The following PDS5A variants were observed in gnomAD, a reference collection of about 807,000 sequenced individuals.
PDS5A encodes sister chromatid cohesion protein PDS5 homolog A.
In PDS5A, 42 loss-of-function variants were observed where a neutral mutation model predicts 167.1. That is an observed-to-expected ratio of 0.25 (90% confidence interval 0.20 to 0.33). The LOEUF (loss-of-function observed/expected upper bound fraction) is 0.33. Among genes scored for constraint, PDS5A ranks in the 10% least tolerant of loss-of-function variants. The pLI is 1.00. For missense variants in PDS5A, 1,033 were observed against 1,605.9 expected, an observed-to-expected ratio of 0.64 and a Z score of 6.10; for synonymous variants, 553 against 554.6, an observed-to-expected ratio of 1.00 and a Z score of 0.04.
chr4:39,947,375 G>C (rs778649858), intron 2 of PDS5A, among the ~76,000 whole-genome samples: 2 of 151,874 alleles, frequency 1.3e-5, no homozygotes, highest in Admixed American at 6.6e-5. Context: ...AACTTGAACC[G>C]GGAGGCGGAG....
chr4:39,918,182 C>CAAAAAAA (rs11447119), intron 7 of PDS5A, among the ~76,000 whole-genome samples: 4 of 88,580 alleles, frequency 4.5e-5, no homozygotes, highest in Non-Finnish European at 6.5e-5. Flanking sequence ...GACCCTGTCT[C>CAAAAAAA]AAAAAAAAAA....
At chr4:39,966,879 A>T (rs1730014875) in intron 2 of PDS5A, among the ~76,000 whole-genome samples, 1 of 134,072 alleles carries the variant, frequency 7.5e-6, no homozygotes. Context: ...GGTGCCTGTA[A>T]TCCCAGTTAC....
rs927400181 is a variant in PDS5A, at chr4:39,862,348, T to G, written c.2972-15A>C. Reference sequence around the variant, plus strand: ...TAATAATTTCTCTGAAGTAAAAACATTATTAAAAACAACCTTTATAAAATG... The same window carrying G: ...TAATAATTTCTCTGAAGTAAAAACAGTATTAAAAACAACCTTTATAAAATG... On this transcript the variant is annotated splice_polypyrimidine_tract_variant and intron_variant, in intron 25 of 32. Coordinates refer to ENST00000303538, the MANE Select transcript of PDS5A (RefSeq NM_001100399.2). 3 of 1,246,662 alleles carry G rather than the reference T, an allele frequency of 2.4e-6. No individual in the cohort carries two copies. In the African/African-American group the frequency reaches 4.5e-5, roughly 19 times the overall value. 77.2% of individuals were successfully genotyped at this position (1,246,662 alleles called of 1,614,324 possible).
chr4:39,973,675 G>C (rs1045164178), intron 2 of PDS5A: 3 of 1,291,018 alleles, frequency 2.3e-6, no homozygotes, highest in Middle Eastern at 1.9e-4. Flanking sequence ...ATCGTATGTA[G>C]CTTTAGCTCA....
chr4:39,874,542 T>C, intron 19 of PDS5A, 130 bp from the exon 20 acceptor site: 1 of 685,004 alleles, frequency 1.5e-6, no homozygotes, highest in South Asian at 2.4e-5. Context: ...TTATCTGATC[T>C]AAAGAAAGTT....
At position 39,863,471 on chromosome 4, in the gene PDS5A, CAAAA is replaced by C; in HGVS notation, c.2643-16_2643-13del. ...ACATATCAGATTTACTATAAACAAA[CAAAA>C]AAGAAATAAACATTTCCTATAACCA... On this transcript the variant is annotated splice_polypyrimidine_tract_variant and intron_variant, in intron 23 of 32. Coordinates refer to ENST00000303538, the MANE Select transcript of PDS5A (RefSeq NM_001100399.2). 1 of 1,570,584 alleles carries C rather than the reference CAAAA, an allele frequency of 6.4e-7. No individual in the cohort carries two copies. Among genetic ancestry groups the C allele is most frequent in the Non-Finnish European group, 8.6e-7 (1 of 1,160,080 alleles).
intron 2 of PDS5A, among the ~76,000 whole-genome samples, chr4:39,953,026 T>A (rs905555502): frequency 6.6e-6 from 1 of 151,954 alleles, no homozygotes; most frequent in Non-Finnish European, 1.5e-5. Context: ...ACCACGTCAG[T>A]CCAGATCTGG....
intron 17 of PDS5A, among the ~76,000 whole-genome samples, chr4:39,880,695 T>C (rs1720855596): frequency 6.6e-6 from 1 of 152,140 alleles, no homozygotes; most frequent in Non-Finnish European, 1.5e-5. Context: ...AAATTATAAA[T>C]ATTCATGGGG....
chr4:39,829,950 C>CAAAAAAAAAAAAAAAAAAAA (rs1158287221), intron 32 of PDS5A, among the ~76,000 whole-genome samples: 3 of 67,296 alleles, frequency 4.5e-5, no homozygotes, highest in African/African-American at 1.7e-4. Context: ...GACTCCAACT[C>CAAAAAAAAAAAAAAAAAAAA]AAAAAAAAAA....
chr4:39,973,881 T>A, intron 2 of PDS5A: 1 of 752,168 alleles, frequency 1.3e-6, no homozygotes. Flanking sequence ...ATCCCAGCAC[T>A]TTGGGAGGCC....
intron 29 of PDS5A, 149 bp from the exon 30 acceptor site, chr4:39,844,950 C>T: frequency 1.2e-6 from 1 of 825,414 alleles, no homozygotes; most frequent in Non-Finnish European, 1.8e-6. Flanking sequence ...GGCATACTGG[C>T]TCCTGACTGC....
intron 8 of PDS5A, among the ~76,000 whole-genome samples, chr4:39,914,275 C>T (rs577352773): frequency 6.6e-6 from 1 of 151,500 alleles, no homozygotes; most frequent in Admixed American, 6.6e-5. Flanking sequence ...GATTCTCCTG[C>T]CTCAGCCTCT....
At chr4:39,969,906 T>C (rs1433213324) in intron 2 of PDS5A, among the ~76,000 whole-genome samples, 1 of 150,254 alleles carries the variant, frequency 6.7e-6, no homozygotes, top group Non-Finnish European at 1.5e-5. Flanking sequence ...ACAAACCAAA[T>C]AAATGTATGG....
At position 39,973,378 on chromosome 4, in the gene PDS5A, G is replaced by A. The variant is rs183313581; in HGVS notation, c.138+3062C>T. On this transcript the variant is annotated intron_variant, in intron 2 of 32. Transcript: ENST00000303538. ...TGGCTGTGCATTAAGATGTTGCTGA[G>A]GATTGCGAACTCCCGCAGCATATTT... 15,901 of 1,600,088 alleles carry A rather than the reference G, an allele frequency of 9.9e-3. 44 individuals carry two copies. Among genetic ancestry groups the A allele is most frequent in the Non-Finnish European group, 0.012 (13,696 of 1,167,398 alleles).
chr4:39,879,108 G>A (rs1720725639), intron 18 of PDS5A, among the ~76,000 whole-genome samples: 1 of 152,074 alleles, frequency 6.6e-6, no homozygotes, highest in Non-Finnish European at 1.5e-5. Context: ...AACATCCATT[G>A]CACTGGTTTG....
chr4:39,852,013 A>G (rs1578606434), intron 26 of PDS5A, among the ~76,000 whole-genome samples: 2 of 152,246 alleles, frequency 1.3e-5, no homozygotes, highest in East Asian at 3.8e-4. Flanking sequence ...TAGTATATAC[A>G]TAAAATACTT....
chr4:39,883,188 TA>T (rs972234371), intron 17 of PDS5A, among the ~76,000 whole-genome samples: 2 of 151,884 alleles, frequency 1.3e-5, no homozygotes, highest in African/African-American at 4.8e-5. Context: ...TCTTTTTTTT[TA>T]AAAAAAGAAG....
At chr4:39,834,149 C>G (rs901657739) in intron 32 of PDS5A, among the ~76,000 whole-genome samples, 3 of 149,344 alleles carry the variant, frequency 2.0e-5, no homozygotes, top group Non-Finnish European at 4.4e-5. Flanking sequence ...CGCATCATTG[C>G]ACTCTAGCCT....
At position 39,908,546 on chromosome 4, in the gene PDS5A, A is replaced by G. The variant is rs371507986; in HGVS notation, c.1088-6T>C. The G allele has an allele frequency of 2.4e-5, 37 of 1,524,522 alleles. No homozygotes were observed. The highest frequency in any genetic ancestry group is 2.9e-5 in the Non-Finnish European group (32 of 1,115,450). The allele number at this position is 1,524,522 out of a possible 1,614,324, so 94.4% of individuals were successfully genotyped here. On this transcript the variant is annotated splice_polypyrimidine_tract_variant and splice_region_variant and intron_variant, in intron 10 of 32. Coordinates refer to ENST00000303538, the MANE Select transcript of PDS5A (RefSeq NM_001100399.2). ...TGATCTAACCTTTAAATATTCTGTA[A>G]TAAGAGAAAAAAAACTTAGGCTAAA... is the stretch of plus-strand genomic sequence containing the variant.
Sources: allele counts gnomAD v4.1 joint callset (sites outside exome capture counted in the v4.1 genomes callset), GRCh38; gene constraint gnomAD v4.1.1; transcripts MANE v1.5; gene names NCBI Gene and HGNC (gene_info 2026-07-23, HGNC 2026-07-21).